CASP10: variants seen among roughly 807,000 people sequenced by gnomAD.
CASP10 encodes caspase-10.
Under a neutral mutation model 48.5 loss-of-function variants are expected in CASP10, and 41 were observed. The observed-to-expected ratio is 0.85, with a 90% CI of 0.66 to 1.10. The LOEUF (loss-of-function observed/expected upper bound fraction) is 1.10. Among genes scored for constraint, CASP10 ranks in the 50% least tolerant of loss-of-function variants. CASP10 has a pLI of 0.00. For synonymous variants in CASP10, 232 were observed against 238.4 expected (o/e 0.97, Z 0.25); for missense variants, 614 against 614.5 (o/e 1.00, Z 0.01).
downstream of CASP10, among the ~76,000 whole-genome samples, chr2:201,222,929 G>T (rs1430383002): frequency 2.0e-5 from 3 of 152,180 alleles, no homozygotes; most frequent in Non-Finnish European, 1.5e-5. Flanking sequence ...TTCCAGATCT[G>T]ATGCTTTCTG....
intron 6 of CASP10, among the ~76,000 whole-genome samples, chr2:201,204,578 T>C (rs1945136489): frequency 6.6e-6 from 1 of 152,170 alleles, no homozygotes; most frequent in South Asian, 2.1e-4. Context: ...TTCTCACTAA[T>C]GATGAGGAAA....
At chr2:201,216,467 T>C (rs899871732) in intron 9 of CASP10, among the ~76,000 whole-genome samples, 15 of 152,024 alleles carry the variant, frequency 9.9e-5, no homozygotes, top group Non-Finnish European at 2.2e-4. Context: ...CAGGTGAGAC[T>C]AAATGATAAG....
chr2:201,216,122 TTAA>T (rs1945560360), intron 9 of CASP10, among the ~76,000 whole-genome samples: 1 of 151,124 alleles, frequency 6.6e-6, no homozygotes, highest in Non-Finnish European at 1.5e-5. Context: ...AATATTTAAG[TTAA>T]TGATATTTTA....
chr2:201,209,374 C>T lies in CASP10; in HGVS notation c.1227C>T (p.Ser409=), dbSNP rs371401141. 3.7e-5 allele frequency: 60 copies of T among 1,614,022 alleles called. No homozygotes were observed. Among genetic ancestry groups the T allele is most frequent in the South Asian group, 1.5e-4 (14 of 91,074 alleles). ...GCCAAGGTGAAGAGATACAGCCTTC[C>T]GTATCCATCGAAGCAGATGCTCTGA... is the stretch of plus-strand genomic sequence containing the variant. ...QACQGEEIQP[S]VSIEADALNP... The change falls in exon 9 of 10, where the codon TCC becomes TCT. Residue 409 remains serine (S), a synonymous_variant. Transcript: ENST00000286186.
chr2:201,203,474 T>C (rs1945094078), intron 5 of CASP10, among the ~76,000 whole-genome samples: 1 of 152,078 alleles, frequency 6.6e-6, no homozygotes, highest in Non-Finnish European at 1.5e-5. Context: ...ACCCGGCTAA[T>C]TTTTTTATTT....
chr2:201,218,307 C>T lies in CASP10; in HGVS notation c.*566C>T, dbSNP rs1945636791. 6.0e-6 allele frequency: 6 copies of T among 994,808 alleles called. No homozygotes were observed. The highest frequency in any genetic ancestry group is 6.0e-6 in the Non-Finnish European group (5 of 836,072). 61.6% of individuals were successfully genotyped at this position (994,808 alleles called of 1,614,324 possible). On this transcript the variant is annotated 3_prime_UTR_variant, in exon 10 of 10. Coordinates refer to ENST00000286186, the MANE Select transcript of CASP10 (RefSeq NM_032977.4). The stretch of plus-strand genomic sequence containing the variant: ...ACAGAGTAATTGGCTTTGGTTTGTG[C>T]AGGTACTTTTTCTTTGAGACAGAGT...
rs1945677737 is a variant in CASP10, at chr2:201,219,841, G to A, written c.*2100G>A. Reference sequence around the variant, plus strand: ...GGTTAACGCCTTCATTTATAGATGAGGCAGCTGAGGCCTGGGGATGTGAAC... The same window carrying A: ...GGTTAACGCCTTCATTTATAGATGAAGCAGCTGAGGCCTGGGGATGTGAAC... On this transcript the variant is annotated 3_prime_UTR_variant, in exon 10 of 10. Coordinates refer to ENST00000286186, the MANE Select transcript of CASP10 (RefSeq NM_032977.4). 1 of 985,022 alleles carries A rather than the reference G, an allele frequency of 1.0e-6. No individual in the cohort carries two copies. Among genetic ancestry groups the A allele is most frequent in the Non-Finnish European group, 1.2e-6 (1 of 829,852 alleles). The allele number at this position is 985,022 out of a possible 1,614,324, so 61.0% of individuals were successfully genotyped here. A position where few individuals can be genotyped will look rare whatever the true frequency, so the allele number is the denominator to read the frequency against.
At chr2:201,205,790 C>A in intron 6 of CASP10, 92 bp from the exon 7 acceptor site, 3 of 806,588 alleles carry the variant, frequency 3.7e-6, no homozygotes, top group Non-Finnish European at 6.6e-6. Flanking sequence ...TTGAGAGAAG[C>A]ATAATTCTCC....
chr2:201,226,690 CAA>C (rs11354026), intron 9 of CASP10, among the ~76,000 whole-genome samples: 5 of 142,740 alleles, frequency 3.5e-5, no homozygotes, highest in African/African-American at 1.3e-4. Context: ...TGTAAAAGTA[CAA>C]AAAAAAAAAT....
At chr2:201,206,402 T>TA (rs1945206820) in intron 7 of CASP10, among the ~76,000 whole-genome samples, 1 of 151,790 alleles carries the variant, frequency 6.6e-6, no homozygotes, top group Non-Finnish European at 1.5e-5. Flanking sequence ...ACAATAGCCT[T>TA]AAAAAATAAT....
chr2:201,225,706 T>C (rs145173159), downstream of CASP10, among the ~76,000 whole-genome samples: 1,332 of 152,320 alleles, frequency 8.7e-3, 11 homozygotes, highest in Admixed American at 0.01. Flanking sequence ...GTGTGGTGGC[T>C]CGCGCCTGTA....
intron 3 of CASP10, among the ~76,000 whole-genome samples, chr2:201,191,737 T>C (rs1944618268): frequency 6.6e-6 from 1 of 152,232 alleles, no homozygotes; most frequent in Non-Finnish European, 1.5e-5. Context: ...TTCTGGGCTT[T>C]GTCTTTGATA....
At chr2:201,211,381 T>C (rs1207143783) in intron 9 of CASP10, among the ~76,000 whole-genome samples, 1 of 152,210 alleles carries the variant, frequency 6.6e-6, no homozygotes, top group East Asian at 1.9e-4. Flanking sequence ...TAACCTCTCA[T>C]CTTCCCTTCC....
chr2:201,215,798 T>C (rs1415892118), intron 9 of CASP10, among the ~76,000 whole-genome samples: 10 of 152,114 alleles, frequency 6.6e-5, no homozygotes, highest in Non-Finnish European at 1.5e-5. Flanking sequence ...AAGAATGTAA[T>C]TTTTTTGTTT....
intron 9 of CASP10, among the ~76,000 whole-genome samples, chr2:201,211,116 C>CTTGTA (rs1945380345): frequency 6.6e-6 from 1 of 152,140 alleles, no homozygotes; most frequent in South Asian, 2.1e-4. Flanking sequence ...TCTCTTGTAG[C>CTTGTA]TATTTTGTAA....
intron 9 of CASP10, among the ~76,000 whole-genome samples, chr2:201,212,081 T>C (rs766597564): frequency 5.3e-5 from 8 of 152,176 alleles, no homozygotes; most frequent in Non-Finnish European, 1.2e-4. Context: ...CCCGAGTAGC[T>C]GGGATCACAG....
chr2:201,206,174 G>C, intron 7 of CASP10: 1 of 492,276 alleles, frequency 2.0e-6, no homozygotes, highest in African/African-American at 2.0e-5. Context: ...GTATCAATCA[G>C]AAGTGACTGA....
chr2:201,186,129 G>C lies in CASP10; in HGVS notation c.347+5G>C. 6.2e-7 allele frequency: 1 copy of C among 1,606,662 alleles called. No homozygotes were observed. Among genetic ancestry groups the C allele is most frequent in the Non-Finnish European group, 8.5e-7 (1 of 1,175,326 alleles). The stretch of plus-strand genomic sequence containing the variant: ...ACAAAGGGTTTCTCTGTTTAGGTGA[G>C]GACGGGTCTGTGGTGGAGATGGGAG... On this transcript the variant is annotated splice_donor_5th_base_variant and intron_variant, in intron 2 of 9. Transcript: ENST00000286186.
chr2:201,217,942 C>T lies in CASP10; in HGVS notation c.*201C>T. ...AAACTTTCTTTTTTTTGGAGATAGTCTCATTCTGTCACCCAGACTGGAGTG... is the reference window on the plus strand; with the variant it reads ...AAACTTTCTTTTTTTTGGAGATAGTTTCATTCTGTCACCCAGACTGGAGTG... On this transcript the variant is annotated 3_prime_UTR_variant, in exon 10 of 10. Transcript: ENST00000286186. 7.5e-7 allele frequency: 1 copy of T among 1,340,530 alleles called. No homozygotes were observed. Among genetic ancestry groups the T allele is most frequent in the Non-Finnish European group, 9.7e-7 (1 of 1,030,910 alleles). 83.0% of individuals were successfully genotyped at this position (1,340,530 alleles called of 1,614,324 possible). A position where few individuals can be genotyped will look rare whatever the true frequency, so the allele number is the denominator to read the frequency against.
Sources: allele counts gnomAD v4.1 joint callset (sites outside exome capture counted in the v4.1 genomes callset), GRCh38; gene constraint gnomAD v4.1.1; transcripts MANE v1.5; gene names NCBI Gene and HGNC (gene_info 2026-07-23, HGNC 2026-07-21).